Variants in MTR observed in about 807,000 individuals in gnomAD.
MTR encodes 5-methyltetrahydrofolate-homocysteine methyltransferase.
A neutral mutation model predicts 154.8 loss-of-function variants in MTR; 84 were observed. That is an observed-to-expected ratio of 0.54 (90% CI 0.45 to 0.65). The LOEUF (loss-of-function observed/expected upper bound fraction) is 0.65, where lower values mean the gene tolerates loss of function less well. Ranked by LOEUF, MTR falls within the 30% of genes least tolerant of loss-of-function variation. MTR has a pLI of 0.00. For synonymous variants in MTR, 554 were observed against 553.9 expected, an observed-to-expected ratio of 1.00 and a Z score of 0.00; for missense variants, 1,275 against 1,570.2, an observed-to-expected ratio of 0.81 and a Z score of 3.18.
chr1:236,853,561 T>C lies in MTR; in HGVS notation c.1953+473T>C, dbSNP rs1311650829. On this transcript the variant is annotated intron_variant, in intron 18 of 32. Coordinates refer to ENST00000366577, the MANE Select transcript of MTR (RefSeq NM_000254.3). ...TTTTTACAAAAATAGAACTATACTC[T>C]AGATGCTTTTATGGTAATATTTTTT... is the stretch of plus-strand genomic sequence containing the variant. Among the ~76,000 whole-genome samples, 6 of 152,324 alleles carry C rather than the reference T, an allele frequency of 3.9e-5. No homozygotes were observed. The East Asian group carries it at 1.2e-3, about 29-fold the overall frequency.
intron 29 of MTR, among the ~76,000 whole-genome samples, chr1:236,893,331 C>T (rs920021214): frequency 3.3e-5 from 5 of 152,162 alleles, no homozygotes; most frequent in African/African-American, 7.2e-5. Flanking sequence ...CTTGCTTCCA[C>T]GGCGGGCAAC....
chr1:236,868,309 G>GGTAT (rs1346673577), intron 22 of MTR, among the ~76,000 whole-genome samples: 1 of 151,990 alleles, frequency 6.6e-6, no homozygotes, highest in African/African-American at 2.4e-5. Context: ...TTTAAATTAA[G>GGTAT]GTATGTATAC....
intron 24 of MTR, among the ~76,000 whole-genome samples, chr1:236,879,458 A>C (rs1221464703): frequency 6.6e-6 from 1 of 152,224 alleles, no homozygotes; most frequent in Non-Finnish European, 1.5e-5. Context: ...AGGGGGAAGA[A>C]TATGAAAGCA....
In MTR at chr1:236,806,003, C is replaced by CT. The variant is rs940965251; in HGVS notation, c.250-140dup. On this transcript the variant is annotated intron_variant, in intron 2 of 32. Coordinates refer to ENST00000366577, the MANE Select transcript of MTR (RefSeq NM_000254.3). Reference sequence around the variant, plus strand: ...GAAATCCTTACACCTTTTTGCATCTCTACCTTCTAATGCAGTGCCTTACTC... The same window carrying CT: ...GAAATCCTTACACCTTTTTGCATCTCTTACCTTCTAATGCAGTGCCTTACTC... The CT allele has an allele frequency of 6.8e-6, 5 of 730,790 alleles. No homozygotes were observed. In the Admixed American group the frequency reaches 8.5e-5, roughly 12 times the overall value. The allele number at this position is 730,790 out of a possible 1,614,324, so 45.3% of individuals were successfully genotyped here.
chr1:236,888,971 G>A (rs1666170124), intron 27 of MTR, among the ~76,000 whole-genome samples: 1 of 152,208 alleles, frequency 6.6e-6, no homozygotes, highest in Non-Finnish European at 1.5e-5. Context: ...GTAGTCAGCT[G>A]CATGTGAAGA....
chr1:236,887,934 G>A (rs1390577761), intron 27 of MTR, among the ~76,000 whole-genome samples: 1 of 151,984 alleles, frequency 6.6e-6, no homozygotes, highest in Non-Finnish European at 1.5e-5. Flanking sequence ...GGGTCTATCT[G>A]TAGATTCCTT....
chr1:236,812,762 A>G lies in MTR; in HGVS notation c.527A>G (p.Tyr176Cys). The G allele has an allele frequency of 6.2e-7, 1 of 1,614,116 alleles. No homozygotes were observed. Among genetic ancestry groups the G allele is most frequent in the Non-Finnish European group, 8.5e-7 (1 of 1,179,992 alleles). Residue 176 changes from tyrosine (Y) to cysteine (C), a missense_variant, in exon 6 of 33, where the codon TAC becomes TGC. Tyr to Cys is a radical substitution (Grantham distance 194). Coordinates refer to ENST00000366577, the MANE Select transcript of MTR (RefSeq NM_000254.3). ...NITFDELVEA[Y>C]QEQAKGLLDG... ...GCATTTGATGAGCTTGTTGAAGCAT[A>G]CCAAGAGCAGGCCAAAGGACTTCTG...
chr1:236,852,846 T>TG (rs1274791784), intron 17 of MTR, 102 bp from the exon 18 acceptor site: 7 of 1,384,994 alleles, frequency 5.1e-6, no homozygotes, highest in Non-Finnish European at 6.1e-6. Flanking sequence ...ACAGAGGCTA[T>TG]GGCCTAAAAT....
intron 32 of MTR, 68 bp from the exon 33 acceptor site, chr1:236,897,490 C>T: frequency 3.5e-6 from 5 of 1,434,052 alleles, no homozygotes; most frequent in East Asian, 2.3e-5. Flanking sequence ...CTTGGCAAAT[C>T]TTGTGGAAAC....
At chr1:236,861,370 T>C (rs1664535068) in intron 20 of MTR, 93 bp downstream of exon 20, 7 of 1,567,256 alleles carry the variant, frequency 4.5e-6, no homozygotes, top group Non-Finnish European at 5.2e-6. Flanking sequence ...AGGTTTTAAT[T>C]TGGACAAGAG....
intron 22 of MTR, among the ~76,000 whole-genome samples, chr1:236,867,555 C>A (rs767655246): frequency 2.6e-5 from 4 of 152,142 alleles, no homozygotes; most frequent in South Asian, 4.1e-4. Context: ...TCAAGTCTTA[C>A]ATTTTGTAAG....
intron 14 of MTR, among the ~76,000 whole-genome samples, chr1:236,838,196 A>G (rs1008217995): frequency 5.3e-5 from 8 of 152,232 alleles, no homozygotes; most frequent in Non-Finnish European, 1.2e-4. Context: ...TTTGAGTTGT[A>G]AATCCCTGGC....
At chr1:236,821,396 T>G (rs1572211958) in intron 8 of MTR, among the ~76,000 whole-genome samples, 1 of 152,244 alleles carries the variant, frequency 6.6e-6, no homozygotes, top group Admixed American at 6.5e-5. Flanking sequence ...CTTCCAACGC[T>G]GTTTCATTGG....
At chr1:236,796,067 T>G (rs1490006474) in intron 1 of MTR, among the ~76,000 whole-genome samples, 1 of 150,846 alleles carries the variant, frequency 6.6e-6, no homozygotes. Context: ...CTCTGGAAGT[T>G]TTTTTTTTTG....
intron 1 of MTR, among the ~76,000 whole-genome samples, chr1:236,797,485 CAATT>C (rs1472936213): frequency 3.9e-5 from 6 of 151,984 alleles, no homozygotes; most frequent in African/African-American, 1.5e-4. Context: ...ATTTGGAACT[CAATT>C]GATGAGTGAT....
At position 236,852,516 on chromosome 1, in the gene MTR, G is replaced by A. The variant is rs775095948; in HGVS notation, c.1696-5G>A. ...AATCTTTTCATATTTTAAAATTTTT[G>A]CCAGGAAACATTACCTGGAGCCAGA... On this transcript the variant is annotated splice_region_variant and splice_polypyrimidine_tract_variant and intron_variant, in intron 16 of 32. Coordinates refer to ENST00000366577, the MANE Select transcript of MTR (RefSeq NM_000254.3). The A allele has an allele frequency of 1.2e-6, 2 of 1,607,416 alleles. No individual in the cohort carries two copies. The highest frequency in any genetic ancestry group is 1.7e-6 in the Non-Finnish European group (2 of 1,174,358).
At chr1:236,880,686 G>A in intron 24 of MTR, 69 bp from the exon 25 acceptor site, 12 of 1,229,038 alleles carry the variant, frequency 9.8e-6, no homozygotes, top group Admixed American at 6.8e-5. Context: ...CTCTAATGGC[G>A]CTGAACAAGA....
intron 13 of MTR, among the ~76,000 whole-genome samples, chr1:236,832,984 A>G (rs1327644536): frequency 1.3e-5 from 2 of 152,152 alleles, no homozygotes; most frequent in Non-Finnish European, 2.9e-5. Context: ...TCCTGTATGC[A>G]TCCATCATGG....
chr1:236,827,509 G>T (rs1470855731), intron 11 of MTR, among the ~76,000 whole-genome samples: 1 of 152,060 alleles, frequency 6.6e-6, no homozygotes, highest in East Asian at 1.9e-4. Context: ...CAGATATTAT[G>T]ATATTCTATC....
Sources: gnomAD v4.1 joint callset for allele counts (sites outside exome capture counted in the v4.1 genomes callset) on GRCh38, gnomAD v4.1.1 for gene constraint, MANE v1.5 for transcripts, NCBI Gene and HGNC (gene_info 2026-07-23, HGNC 2026-07-21) for gene names.